The following MSH4 variants were observed in gnomAD, a reference collection of about 807,000 sequenced individuals.
MSH4 encodes the protein mutS homolog 4.
A neutral mutation model predicts 113.7 loss-of-function variants in MSH4; 106 were observed. The observed-to-expected ratio is 0.93, with a 90% CI of 0.80 to 1.10. The LOEUF is 1.10. MSH4 is among the 50% of genes least tolerant of loss of function. The pLI, the probability that MSH4 is intolerant of heterozygous loss-of-function variation, is 0.00. For synonymous variants in MSH4, 368 were observed against 380.2 expected, an observed-to-expected ratio of 0.97 and a Z score of 0.37; for missense variants, 1,061 against 1,093.7, an observed-to-expected ratio of 0.97 and a Z score of 0.42.
chr1:75,826,631 G>A (rs182666497), intron 7 of MSH4, among the ~76,000 whole-genome samples: 34 of 152,190 alleles, frequency 2.2e-4, no homozygotes, highest in Middle Eastern at 3.4e-3. Context: ...CCCTGGTTTA[G>A]CTGTGTCCCA....
In MSH4 at chr1:75,912,885, T is replaced by C; in HGVS notation, c.2809T>C (p.Ter937GlnextTer4). 6.6e-7 allele frequency: 1 copy of C among 1,504,118 alleles called. No individual in the cohort carries two copies. Among genetic ancestry groups the C allele is most frequent in the Non-Finnish European group, 8.9e-7 (1 of 1,125,366 alleles). 93.2% of individuals were successfully genotyped at this position (1,504,118 alleles called of 1,614,324 possible). ...TEQVPEKTEE[*>Q] ...ACAAGTTCCAGAAAAGACTGAAGAA[T>C]AATCACAATTCTAATGTAATAATAT... Residue 937 changes from the stop codon to glutamine (Q), a stop_lost, in exon 20 of 20, where the codon TAA becomes CAA. Transcript: ENST00000263187.
At chr1:75,880,544 G>A (rs1223532646) in intron 13 of MSH4, among the ~76,000 whole-genome samples, 1 of 151,932 alleles carries the variant, frequency 6.6e-6, no homozygotes, top group East Asian at 1.9e-4. Context: ...TGAAATAGTA[G>A]CAATACAGCC....
intron 17 of MSH4, among the ~76,000 whole-genome samples, chr1:75,897,151 C>G (rs1652403256): frequency 6.6e-6 from 1 of 152,114 alleles, no homozygotes. Context: ...AAATTCTGGG[C>G]TGGAAATCTT....
At chr1:75,852,045 G>A (rs552202232) in intron 8 of MSH4, among the ~76,000 whole-genome samples, 14 of 152,072 alleles carry the variant, frequency 9.2e-5, no homozygotes, top group South Asian at 4.2e-4. Flanking sequence ...TCTAACCCCC[G>A]TTTCCCCAGC....
At chr1:75,881,836 G>T (rs1472425886) in intron 14 of MSH4, among the ~76,000 whole-genome samples, 1 of 151,992 alleles carries the variant, frequency 6.6e-6, no homozygotes, top group African/African-American at 2.4e-5. Flanking sequence ...CTATAAAAAG[G>T]CCATGAATAT....
intron 8 of MSH4, among the ~76,000 whole-genome samples, chr1:75,850,757 A>G (rs1651168688): frequency 6.6e-6 from 1 of 151,870 alleles, no homozygotes; most frequent in Non-Finnish European, 1.5e-5. Context: ...TATTTGTTCT[A>G]TCAGTTATTA....
intron 6 of MSH4, 115 bp from the exon 7 acceptor site, chr1:75,822,288 CAAAAAA>C (rs33965683): frequency 7.0e-5 from 27 of 384,788 alleles, no homozygotes; most frequent in Middle Eastern, 8.0e-4. Context: ...GACTCTGTTT[CAAAAAA>C]AAAAAAAAAA....
chr1:75,832,461 AG>A (rs1650720738), intron 7 of MSH4, among the ~76,000 whole-genome samples: 1 of 151,448 alleles, frequency 6.6e-6, no homozygotes, highest in African/African-American at 2.4e-5. Flanking sequence ...CTGATACCAA[AG>A]CCTGGCAGAG....
intron 7 of MSH4, among the ~76,000 whole-genome samples, chr1:75,847,012 G>T (rs1395423406): frequency 2.0e-5 from 3 of 152,154 alleles, no homozygotes; most frequent in Non-Finnish European, 4.4e-5. Flanking sequence ...AAGTCAAGTG[G>T]CTCACATCTG....
chr1:75,898,326 C>A (rs563344114), intron 18 of MSH4, among the ~76,000 whole-genome samples: 1 of 151,886 alleles, frequency 6.6e-6, no homozygotes, highest in African/African-American at 2.4e-5. Flanking sequence ...CAACTGAAAA[C>A]CCTAGAAGTA....
chr1:75,899,117 A>AGCCATATGGCATTT (rs1161007044), intron 18 of MSH4, among the ~76,000 whole-genome samples: 2 of 152,168 alleles, frequency 1.3e-5, no homozygotes, highest in East Asian at 3.9e-4. Flanking sequence ...TTAAGCTCTA[A>AGCCATATGGCATTT]AAACATGAGA....
At chr1:75,894,500 C>T (rs928171170) in intron 17 of MSH4, among the ~76,000 whole-genome samples, 2 of 152,210 alleles carry the variant, frequency 1.3e-5, no homozygotes, top group South Asian at 4.1e-4. Flanking sequence ...ATTGAGTCCC[C>T]TTTATGGTAC....
At chr1:75,835,046 A>T (rs1054657999) in intron 7 of MSH4, among the ~76,000 whole-genome samples, 5 of 152,228 alleles carry the variant, frequency 3.3e-5, no homozygotes, top group Non-Finnish European at 2.9e-5. Context: ...GATAGTTTAT[A>T]TGTACTACTC....
chr1:75,823,959 T>C (rs188696412), intron 7 of MSH4, among the ~76,000 whole-genome samples: 2 of 152,228 alleles, frequency 1.3e-5, no homozygotes, highest in African/African-American at 2.4e-5. Context: ...GTCTTTATAG[T>C]AGAAAGATTT....
chr1:75,876,325 T>A (rs1441210027), intron 9 of MSH4, among the ~76,000 whole-genome samples: 1 of 152,152 alleles, frequency 6.6e-6, no homozygotes, highest in African/African-American at 2.4e-5. Flanking sequence ...TTTTGGTGAA[T>A]TTTTTAGTTT....
chr1:75,822,628 A>G, intron 7 of MSH4, 47 bp downstream of exon 7: 1 of 1,011,534 alleles, frequency 9.9e-7, no homozygotes, highest in Non-Finnish European at 1.3e-6. Flanking sequence ...ATTGAAAAAT[A>G]CAGTTGGCTT....
intron 11 of MSH4, among the ~76,000 whole-genome samples, 156 bp from the exon 12 acceptor site, chr1:75,878,836 A>C (rs934321696): frequency 2.6e-5 from 4 of 152,090 alleles, no homozygotes; most frequent in African/African-American, 9.7e-5. Flanking sequence ...TTGAAAAAAA[A>C]AAAAAATTAT....
chr1:75,886,447 T>TATGATGTATTATATATTATATATA (rs1652108416), intron 15 of MSH4, among the ~76,000 whole-genome samples: 1 of 120,204 alleles, frequency 8.3e-6, no homozygotes, highest in African/African-American at 3.5e-5. Flanking sequence ...TTATATATAA[T>TATGATGTATTATATATTATATATA]ATATATGATG....
chr1:75,862,606 CA>C (rs1473625487), intron 8 of MSH4, among the ~76,000 whole-genome samples: 3 of 152,158 alleles, frequency 2.0e-5, no homozygotes, highest in Non-Finnish European at 4.4e-5. Context: ...ATGCATGATT[CA>C]TGGCCTTCAT....
Sources: allele counts gnomAD v4.1 joint callset (sites outside exome capture counted in the v4.1 genomes callset), GRCh38; gene constraint gnomAD v4.1.1; transcripts MANE v1.5; gene names NCBI Gene and HGNC (gene_info 2026-07-23, HGNC 2026-07-21).